Variants in CNOT3 observed in about 807,000 individuals in gnomAD.
The protein encoded by CNOT3 is CCR4-NOT transcription complex subunit 3.
Under a neutral mutation model 89.4 loss-of-function variants are expected in CNOT3, and 2 were observed. That is an observed-to-expected ratio of 0.02 (90% CI 0.01 to 0.07). The LOEUF is 0.07. Ranked by LOEUF, CNOT3 falls within the 10% of genes least tolerant of loss-of-function variation. The pLI is 1.00. For missense variants in CNOT3, 664 were observed against 1,010.2 expected, an observed-to-expected ratio of 0.66 and a Z score of 4.65; for synonymous variants, 486 against 402.0, an observed-to-expected ratio of 1.21 and a Z score of -2.50.
intron 1 of CNOT3, among the ~76,000 whole-genome samples, chr19:54,141,118 T>C (rs2074432615): frequency 6.6e-6 from 1 of 152,162 alleles, no homozygotes; most frequent in African/African-American, 2.4e-5. Context: ...ACACCTGAGC[T>C]CTGGTGTCCA....
Position 54,148,415 on chromosome 19 carries a change from C to A in CNOT3, c.1162C>A (p.Pro388Thr). 2.6e-6 allele frequency: 4 copies of A among 1,564,540 alleles called. No individual in the cohort carries two copies. Among genetic ancestry groups the A allele is most frequent in the Non-Finnish European group, 2.6e-6 (3 of 1,153,434 alleles). ...PAPSGPSTTQ[P>T]RPPSVQPSGG... ...TCCCAGTGGGCCCAGCACGACCCAG[C>A]CCCGGCCCCCCAGCGTCCAGCCTAG... Residue 388 changes from proline (P) to threonine (T), a missense_variant, in exon 11 of 18, where the codon CCC (proline) becomes ACC (threonine). Physicochemically the swap from Pro to Thr is conservative, Grantham distance 38. Transcript: ENST00000221232. The surrounding 1 kb of genome is among the most constrained non-coding windows in gnomAD (Gnocchi z 6.3).
At position 54,150,404 on chromosome 19, in the gene CNOT3, G is replaced by C. The variant is rs113763631; in HGVS notation, c.1605+646G>C. Among the ~76,000 whole-genome samples the C allele has an allele frequency of 8.3e-3, 1,260 of 152,356 alleles. 12 individuals are homozygous for C. The highest frequency in any genetic ancestry group is 0.014 in the South Asian group (69 of 4,826). On this transcript the variant is annotated intron_variant, in intron 13 of 17. Coordinates refer to ENST00000221232, the MANE Select transcript of CNOT3 (RefSeq NM_014516.4). The stretch of plus-strand genomic sequence containing the variant: ...GCTGGGCAGGATGCAGCAGAGAGGA[G>C]AGAGGTGTCCACTCTGCAGGAGACA...
Position 54,148,600 on chromosome 19 carries a change from C to T in CNOT3, c.1283-20C>T. 6.2e-7 allele frequency: 1 copy of T among 1,606,194 alleles called. No homozygotes were observed. Among genetic ancestry groups the T allele is most frequent in the Non-Finnish European group, 8.5e-7 (1 of 1,176,212 alleles). On this transcript the variant is annotated intron_variant, in intron 11 of 17. Coordinates refer to ENST00000221232, the MANE Select transcript of CNOT3 (RefSeq NM_014516.4). The surrounding 1 kb of genome is among the most constrained non-coding windows in gnomAD (Gnocchi z 6.3). ...CTGGGCAGCAGGCAGCAGCCCTTTCCATTTACTCTTTGTTCCCAGGTTACA... is the reference window on the plus strand; with the variant it reads ...CTGGGCAGCAGGCAGCAGCCCTTTCTATTTACTCTTTGTTCCCAGGTTACA...
intron 13 of CNOT3, among the ~76,000 whole-genome samples, chr19:54,151,925 C>G (rs587677660): frequency 6.6e-6 from 1 of 152,346 alleles, no homozygotes; most frequent in Non-Finnish European, 1.5e-5. Context: ...TGTACATATT[C>G]TGCAGGTTGG....
chr19:54,153,469 A>G (rs1279987115), intron 16 of CNOT3: 1 of 775,646 alleles, frequency 1.3e-6, no homozygotes, highest in Non-Finnish European at 2.4e-6. Context: ...AGCTCTCATC[A>G]CACATTAGTT....
At chr19:54,147,175 G>A (rs1192925347) in intron 10 of CNOT3, among the ~76,000 whole-genome samples, 2 of 152,198 alleles carry the variant, frequency 1.3e-5, no homozygotes, top group African/African-American at 2.4e-5. Flanking sequence ...GAGAGGAGAC[G>A]GTGGCGGGCA....
intron 1 of CNOT3, among the ~76,000 whole-genome samples, chr19:54,139,042 G>A (rs1480799896): frequency 6.6e-6 from 1 of 152,208 alleles, no homozygotes; most frequent in African/African-American, 2.4e-5. Flanking sequence ...CTGGCGCTCA[G>A]GTGCCTGGTG....
rs1476411104 is a variant in CNOT3, at chr19:54,149,696, G to A, written c.1543G>A (p.Ala515Thr). ...CTCCCCAACGCCCAGCTTCAGTGAT[G>A]CCAAGGCAGCCGGTGCCCTGCTCAA... ...PSSPTPSFSD[A>T]KAAGALLNGP... Residue 515 changes from alanine (A) to threonine (T), a missense_variant, in exon 13 of 18, where the codon GCC (alanine) becomes ACC (threonine). By Grantham distance (58) the Ala-to-Thr change is moderately conservative. This residue lies in a region of CNOT3 where 545 missense variants were observed against 566.2 expected (regional missense o/e 0.96). Coordinates refer to ENST00000221232, the MANE Select transcript of CNOT3 (RefSeq NM_014516.4). 2.5e-6 allele frequency: 4 copies of A among 1,613,898 alleles called. No individual in the cohort carries two copies. The highest frequency in any genetic ancestry group is 3.4e-6 in the Non-Finnish European group (4 of 1,179,960).
At chr19:54,142,624 T>G in intron 1 of CNOT3, 3 of 463,300 alleles carry the variant, frequency 6.5e-6, no homozygotes, top group Non-Finnish European at 8.0e-6. Context: ...GAAAAACCTT[T>G]TTGAGTGTAT....
rs1488667577 is a variant in CNOT3, at chr19:54,153,734, T to A, written c.2057T>A (p.Leu686Gln). Residue 686 changes from leucine (L) to glutamine (Q), a missense_variant, in exon 17 of 18, where the codon CTG becomes CAG. Coordinates refer to ENST00000221232, the MANE Select transcript of CNOT3 (RefSeq NM_014516.4). Reference sequence around the variant, plus strand: ...CCCCAGGGCACTAAGGCACAGTATCTGGCAGCCAAGGCCCTAAAGAAGCAG... The same window carrying A: ...CCCCAGGGCACTAAGGCACAGTATCAGGCAGCCAAGGCCCTAAAGAAGCAG... ...YYLEGTKAQY[L>Q]AAKALKKQSW... 6.2e-7 allele frequency: 1 copy of A among 1,614,118 alleles called. No individual in the cohort carries two copies.
At chr19:54,153,931 C>T (rs1169689474) in intron 17 of CNOT3, 91 bp downstream of exon 17, 23 of 1,536,328 alleles carry the variant, frequency 1.5e-5, no homozygotes, top group Non-Finnish European at 2.0e-5. Context: ...GCTCCCTTGC[C>T]TCCACCTTTC....
chr19:54,143,707 G>A lies in CNOT3; in HGVS notation c.216G>A (p.Lys72=), dbSNP rs761363541. The change falls in exon 5 of 18, where the codon AAG becomes AAA. Residue 72 remains lysine, a synonymous_variant. Coordinates refer to ENST00000221232, the MANE Select transcript of CNOT3 (RefSeq NM_014516.4). ...CATGGGTAGCGTCCAACGAGATCAA[G>A]GACAAGAGGCAGCTTATAGACAACC... ...IKTWVASNEI[K]DKRQLIDNRK... 1.2e-6 allele frequency: 2 copies of A among 1,614,024 alleles called. No homozygotes were observed. The highest frequency in any genetic ancestry group is 2.2e-5 in the East Asian group (1 of 44,854).
intron 9 of CNOT3, 27 bp from the exon 10 acceptor site, chr19:54,146,574 G>C: frequency 8.2e-7 from 1 of 1,212,850 alleles, no homozygotes. Context: ...GGTCACACAG[G>C]TTTCTATTCT....
chr19:54,145,538 G>T lies in CNOT3; in HGVS notation c.484-60G>T. On this transcript the variant is annotated intron_variant, in intron 7 of 17. Coordinates refer to ENST00000221232, the MANE Select transcript of CNOT3 (RefSeq NM_014516.4). This position sits in a 1 kb window ranked among gnomAD's most constrained non-coding sequence, Gnocchi z 5.9. ...GGGACTGAGGACAGGTTCTGTGGGG[G>T]CAGGAGGGGCCAAGCAGGTGCTCTG... 1 of 1,174,118 alleles carries T rather than the reference G, an allele frequency of 8.5e-7. No homozygotes were observed. Among genetic ancestry groups the T allele is most frequent in the Non-Finnish European group, 1.3e-6 (1 of 789,886 alleles). 72.7% of individuals were successfully genotyped at this position (1,174,118 alleles called of 1,614,324 possible).
At chr19:54,155,175 G>C (rs1190564112) in intron 17 of CNOT3, 134 bp from the exon 18 acceptor site, 2 of 928,190 alleles carry the variant, frequency 2.2e-6, no homozygotes, top group East Asian at 5.5e-5. Flanking sequence ...GGATGAGAGT[G>C]TGTGCGTGCA....
chr19:54,151,888 C>T (rs2075135311), intron 13 of CNOT3, among the ~76,000 whole-genome samples: 1 of 152,224 alleles, frequency 6.6e-6, no homozygotes, highest in African/African-American at 2.4e-5. Context: ...ACTATTGGCA[C>T]ATCCTTTGAC....
rs1185500445 is a variant in CNOT3 at position 54,152,506 on chromosome 19, T to C, written c.1784T>C (p.Leu595Pro). The change falls in exon 15 of 18, where the codon CTG becomes CCG. Residue 595 changes from leucine (L) to proline (P), a missense_variant. Coordinates refer to ENST00000221232, the MANE Select transcript of CNOT3 (RefSeq NM_014516.4). ...CAGCTGTCAGAGGTGAACATACCGC[T>C]GTCGCTGGGTGTCTGTCCACTGGGC... ...PLQLSEVNIP[L>P]SLGVCPLGPV... 2 of 1,614,186 alleles carry C rather than the reference T, an allele frequency of 1.2e-6. No individual in the cohort carries two copies. Among genetic ancestry groups the C allele is most frequent in the Non-Finnish European group, 1.7e-6 (2 of 1,180,032 alleles).
chr19:54,149,059 G>A (rs2074888706), intron 12 of CNOT3, among the ~76,000 whole-genome samples: 1 of 152,196 alleles, frequency 6.6e-6, no homozygotes, highest in African/African-American at 2.4e-5. Context: ...CCACCGGAGG[G>A]TCACTGTTTC....
rs1468422477 is a variant in CNOT3 at position 54,155,577 on chromosome 19, C to T, written c.*170C>T. 20 of 999,156 alleles carry T rather than the reference C, an allele frequency of 2.0e-5. No individual in the cohort carries two copies. The African/African-American group carries it at 2.6e-4, about 13-fold the overall frequency. 61.9% of individuals were successfully genotyped at this position (999,156 alleles called of 1,614,324 possible). ...TTTCCTCTCAGCCCCACCCTGGGGG[C>T]CCGGGGGCGAGGGCTGCCCCCTCCT... On this transcript the variant is annotated 3_prime_UTR_variant, in exon 18 of 18. Transcript: ENST00000221232.
Sources: allele counts gnomAD v4.1 joint callset (sites outside exome capture counted in the v4.1 genomes callset), GRCh38; gene constraint gnomAD v4.1.1; regional missense constraint gnomAD v4.1.1; non-coding constraint Gnocchi (gnomAD v3.1); transcripts MANE v1.5; gene names NCBI Gene and HGNC (gene_info 2026-07-23, HGNC 2026-07-21).